SLC1A6: variants seen among roughly 807,000 people sequenced by gnomAD.
The protein encoded by SLC1A6 is excitatory amino acid transporter 4.
Under a neutral mutation model 42.1 loss-of-function variants are expected in SLC1A6, and 15 were observed. That is an observed-to-expected ratio of 0.36 (90% CI 0.24 to 0.55). The LOEUF (loss-of-function observed/expected upper bound fraction) is 0.55, where lower values mean the gene tolerates loss of function less well. SLC1A6 is among the 20% of genes least tolerant of loss of function. The pLI is 0.88. For missense variants in SLC1A6, 542 were observed against 772.5 expected (o/e 0.70, Z 3.54); for synonymous variants, 317 against 319.7 (o/e 0.99, Z 0.09).
intron 1 of SLC1A6, among the ~76,000 whole-genome samples, chr19:15,001,614 G>T (rs2045872877): frequency 6.6e-6 from 1 of 152,056 alleles, no homozygotes; most frequent in African/African-American, 2.4e-5. Context: ...TAAACCTGAG[G>T]TTCACTTCAC....
chr19:14,987,482 T>A (rs557185320), intron 1 of SLC1A6, among the ~76,000 whole-genome samples: 1,656 of 151,470 alleles, frequency 0.011, 30 homozygotes, highest in African/African-American at 0.038. Flanking sequence ...AAAAAAAATT[T>A]TTTTTAATTA....
intron 1 of SLC1A6, among the ~76,000 whole-genome samples, chr19:15,003,425 A>C (rs73929511): frequency 0.018 from 2,750 of 152,202 alleles, 98 homozygotes; most frequent in African/African-American, 0.063. Context: ...GCTTCCCACC[A>C]TCTCCTGACA....
chr19:14,999,803 A>G (rs556088540), intron 1 of SLC1A6, among the ~76,000 whole-genome samples: 13 of 152,254 alleles, frequency 8.5e-5, no homozygotes, highest in Admixed American at 2.6e-4. Flanking sequence ...ATAGTCAATA[A>G]ATTACATGAG....
At chr19:15,006,490 G>A (rs887726491) in intron 1 of SLC1A6, among the ~76,000 whole-genome samples, 8 of 152,122 alleles carry the variant, frequency 5.3e-5, no homozygotes. Context: ...GAACATAACG[G>A]CGGGTCTCCA....
chr19:14,957,737 A>T (rs774149602), intron 6 of SLC1A6, among the ~76,000 whole-genome samples: 5 of 152,252 alleles, frequency 3.3e-5, no homozygotes, highest in African/African-American at 7.2e-5. Context: ...GCAAACTTCA[A>T]GTGGTGATAA....
chr19:14,964,733 C>T (rs2045554200), intron 4 of SLC1A6, among the ~76,000 whole-genome samples: 1 of 152,160 alleles, frequency 6.6e-6, no homozygotes, highest in South Asian at 2.1e-4. Flanking sequence ...TCAGTGATGC[C>T]TCAAAAAACC....
At chr19:14,984,936 C>A (rs2045785956) in intron 1 of SLC1A6, among the ~76,000 whole-genome samples, 1 of 152,102 alleles carries the variant, frequency 6.6e-6, no homozygotes, top group South Asian at 2.1e-4. Flanking sequence ...GGCTGGAGTG[C>A]AGTGGTGTGA....
chr19:14,994,899 A>T (rs1376212206), intron 1 of SLC1A6, among the ~76,000 whole-genome samples: 1 of 152,196 alleles, frequency 6.6e-6, no homozygotes, highest in Admixed American at 6.5e-5. Flanking sequence ...AAATAAGGAA[A>T]TCCTGCCATT....
At chr19:14,963,532 A>T (rs1176957632) in intron 5 of SLC1A6, among the ~76,000 whole-genome samples, 1 of 152,260 alleles carries the variant, frequency 6.6e-6, no homozygotes, top group Admixed American at 6.5e-5. Context: ...CACAATGCAG[A>T]CATATTTCAA....
chr19:14,958,133 G>T (rs2045478600), intron 6 of SLC1A6, among the ~76,000 whole-genome samples: 2 of 152,108 alleles, frequency 1.3e-5, no homozygotes, highest in South Asian at 2.1e-4. Flanking sequence ...GTTTATGGCT[G>T]GGCATGGTGG....
At chr19:14,966,264 G>A (rs1008066751) in intron 4 of SLC1A6, among the ~76,000 whole-genome samples, 4 of 152,144 alleles carry the variant, frequency 2.6e-5, no homozygotes, top group African/African-American at 9.7e-5. Flanking sequence ...GGCTGAGGCA[G>A]GTAGATTACT....
intron 6 of SLC1A6, among the ~76,000 whole-genome samples, chr19:14,958,511 C>A (rs2045482659): frequency 6.6e-6 from 1 of 152,046 alleles, no homozygotes. Context: ...TAGCTTGAGT[C>A]AAAAATGAGG....
At chr19:14,968,803 A>G (rs2045603901) in intron 3 of SLC1A6, among the ~76,000 whole-genome samples, 1 of 151,098 alleles carries the variant, frequency 6.6e-6, no homozygotes, top group African/African-American at 2.4e-5. Flanking sequence ...CTTTCACCCC[A>G]TCCTCTATTG....
intron 4 of SLC1A6, among the ~76,000 whole-genome samples, chr19:14,965,350 T>C (rs991981566): frequency 3.9e-5 from 6 of 152,134 alleles, no homozygotes; most frequent in South Asian, 2.1e-4. Context: ...AAAGTAGATC[T>C]ACCATTCCAC....
At chr19:14,958,166 T>A (rs1160286238) in intron 6 of SLC1A6, among the ~76,000 whole-genome samples, 1 of 152,092 alleles carries the variant, frequency 6.6e-6, no homozygotes, top group Non-Finnish European at 1.5e-5. Flanking sequence ...ATCCCAGCAC[T>A]TTGGGAGGCC....
chr19:14,994,889 A>AC (rs1298120654), intron 1 of SLC1A6, among the ~76,000 whole-genome samples: 1 of 152,064 alleles, frequency 6.6e-6, no homozygotes, highest in Non-Finnish European at 1.5e-5. Flanking sequence ...GCCACAAAAA[A>AC]AATAAGGAAA....
chr19:14,994,576 T>C (rs766266290), intron 1 of SLC1A6, among the ~76,000 whole-genome samples: 1 of 152,182 alleles, frequency 6.6e-6, no homozygotes, highest in Non-Finnish European at 1.5e-5. Flanking sequence ...TCCGACTTGC[T>C]CTGCACCCCA....
rs190406326 is a variant in SLC1A6, at chr19:14,992,326, A to T, written c.6+18159T>A. On this transcript the variant is annotated intron_variant, in intron 1 of 8. Coordinates refer to the SLC1A6 transcript ENST00000430939. ...TATTTTGTATGTGGGACTGACTGGT[A>T]TCTCAACCTCACTGTGGCCTTGTGA... is the stretch of plus-strand genomic sequence containing the variant. Among the ~76,000 whole-genome samples the T allele has an allele frequency of 5.9e-3, 904 of 152,316 alleles. 31 individuals are homozygous for T. Among genetic ancestry groups the T allele is most frequent in the Admixed American group, 0.054 (832 of 15,292 alleles).
intron 1 of SLC1A6, among the ~76,000 whole-genome samples, chr19:14,991,833 C>G (rs1049649121): frequency 8.3e-6 from 1 of 120,696 alleles, no homozygotes; most frequent in Non-Finnish European, 1.7e-5. Context: ...TTTCCTTCTG[C>G]TTTTTTCTTT....
Sources: gnomAD v4.1 joint callset for allele counts (sites outside exome capture counted in the v4.1 genomes callset) on GRCh38, gnomAD v4.1.1 for gene constraint, MANE v1.5 for transcripts, NCBI Gene and HGNC (gene_info 2026-07-23, HGNC 2026-07-21) for gene names.